HDAC7: variants seen among roughly 807,000 people sequenced by gnomAD.
HDAC7 encodes histone deacetylase 7A.
A neutral mutation model predicts 115.5 loss-of-function variants in HDAC7; 26 were observed. The ratio of observed to expected loss-of-function variants is 0.23; its 90% CI spans 0.16 to 0.31. The LOEUF (loss-of-function observed/expected upper bound fraction) is 0.31, where lower values mean the gene tolerates loss of function less well. Ranked by LOEUF, HDAC7 falls within the 10% of genes least tolerant of loss-of-function variation. HDAC7 has a pLI of 1.00. For synonymous variants in HDAC7, 564 were observed against 550.9 expected (o/e 1.02, Z -0.33); for missense variants, 1,068 against 1,329.0 (o/e 0.80, Z 3.05).
At chr12:47,785,569 T>A in intron 23 of HDAC7, 98 bp from the exon 24 acceptor site, 1 of 1,380,852 alleles carries the variant, frequency 7.2e-7, no homozygotes, top group Non-Finnish European at 1.0e-6. Context: ...ACAAGCACAC[T>A]CTACCTAGGC....
In HDAC7 at chr12:47,806,860, G is replaced by A. The variant is rs968904730; in HGVS notation, c.20-4586C>T. ...CCTCCTTCCTGGCATTAGCGTTTCA[G>A]TGTCTGCTCCCAACTCTCCTCCCTC... On this transcript the variant is annotated intron_variant, in intron 1 of 25. Coordinates refer to ENST00000080059, the MANE Select transcript of HDAC7 (RefSeq NM_015401.5). Among the ~76,000 whole-genome samples, 3 of 151,294 alleles carry A rather than the reference G, an allele frequency of 2.0e-5. No homozygotes were observed. The East Asian group carries it at 5.8e-4, about 29-fold the overall frequency.
intron 1 of HDAC7, among the ~76,000 whole-genome samples, chr12:47,816,670 G>A (rs768293193): frequency 1.3e-5 from 2 of 152,210 alleles, no homozygotes; most frequent in South Asian, 2.1e-4. Context: ...ATGCTCTGCT[G>A]ATGAAAACAT....
chr12:47,810,054 C>T (rs192577679), intron 1 of HDAC7, among the ~76,000 whole-genome samples: 92 of 152,292 alleles, frequency 6.0e-4, no homozygotes, highest in South Asian at 6.2e-4. Flanking sequence ...TCAAGTGATT[C>T]TCCTGCCTCA....
Position 47,797,636 on chromosome 12 carries a change from C to T in HDAC7, c.462-137G>A. On this transcript the variant is annotated intron_variant, in intron 5 of 25. Transcript: ENST00000080059. This position sits in a 1 kb window ranked among gnomAD's most constrained non-coding sequence, Gnocchi z 5.5. ...AATGTGGGGCTGGTAGGAATGGGGACCATCTCCAGGTGGCAGCAGTGGGCC... is the reference window on the plus strand; with the variant it reads ...AATGTGGGGCTGGTAGGAATGGGGATCATCTCCAGGTGGCAGCAGTGGGCC... 1 of 639,030 alleles carries T rather than the reference C, an allele frequency of 1.6e-6. No individual in the cohort carries two copies. The highest frequency in any genetic ancestry group is 2.7e-6 in the Non-Finnish European group (1 of 368,802). 39.6% of individuals were successfully genotyped at this position (639,030 alleles called of 1,614,324 possible).
intron 16 of HDAC7, 112 bp from the exon 17 acceptor site, chr12:47,790,032 A>C (rs1416890086): frequency 4.0e-6 from 3 of 758,302 alleles, no homozygotes; most frequent in South Asian, 2.9e-5. Flanking sequence ...GGAGCTGGGC[A>C]GACAGTGCTG....
chr12:47,789,696 A>C, intron 17 of HDAC7, 117 bp downstream of exon 17: 1 of 1,396,250 alleles, frequency 7.2e-7, no homozygotes, highest in Non-Finnish European at 1.0e-6. Context: ...TCCCCTCCAA[A>C]ACCCTGTAGC....
chr12:47,819,172 G>C, intron 1 of HDAC7: 1 of 152,590 alleles, frequency 6.6e-6, no homozygotes, highest in Non-Finnish European at 1.5e-5. Flanking sequence ...GGGGGGCAAT[G>C]CTCAGAGAAA....
intron 7 of HDAC7, 146 bp downstream of exon 7, chr12:47,796,871 C>G (rs1462478526): frequency 2.3e-6 from 2 of 858,328 alleles, no homozygotes; most frequent in Non-Finnish European, 3.3e-6. Context: ...CCAACTCCCC[C>G]GCTTCGGCAA....
chr12:47,793,334 C>CCAACCCA lies in HDAC7; in HGVS notation c.1678+34_1678+35insTGGGTTG. On this transcript the variant is annotated intron_variant, in intron 13 of 25. Coordinates refer to ENST00000080059, the MANE Select transcript of HDAC7 (RefSeq NM_015401.5). This position sits in a 1 kb window ranked among gnomAD's most constrained non-coding sequence, Gnocchi z 4.5. ...CCACATGGACTCGTGCAGCCGAGCCCCTCCCTCCACCCGCCACCCTCCTCC... is the reference window on the plus strand; with the variant it reads ...CCACATGGACTCGTGCAGCCGAGCCCCAACCCACTCCCTCCACCCGCCACCCTCCTCC... 1 of 1,312,490 alleles carries CCAACCCA rather than the reference C, an allele frequency of 7.6e-7. No individual in the cohort carries two copies. 81.3% of individuals were successfully genotyped at this position (1,312,490 alleles called of 1,614,324 possible).
rs563978070 is a variant in HDAC7, at chr12:47,787,267, C to T, written c.2453+445G>A. ...CCCCCCCAGCTGCCTTCCTCTACCC[C>T]TGATCCAACTCTGGGGCCTGCTTGG... On this transcript the variant is annotated intron_variant, in intron 21 of 25. Transcript: ENST00000080059. Among the ~76,000 whole-genome samples, 7 of 152,286 alleles carry T rather than the reference C, an allele frequency of 4.6e-5. No individual in the cohort carries two copies. The South Asian group carries it at 1.0e-3, about 23-fold the overall frequency.
At chr12:47,804,475 C>T (rs951805538) in intron 1 of HDAC7, among the ~76,000 whole-genome samples, 1 of 151,336 alleles carries the variant, frequency 6.6e-6, no homozygotes, top group African/African-American at 2.4e-5. Context: ...CCTCTTTTCC[C>T]ATCACTGCCT....
At position 47,798,027 on chromosome 12, in the gene HDAC7, A is replaced by AGT; in HGVS notation, c.461+79_461+80dup. On this transcript the variant is annotated intron_variant, in intron 5 of 25. Transcript: ENST00000080059. The surrounding 1 kb of genome is among the most constrained non-coding windows in gnomAD (Gnocchi z 4.3). ...GTGGCAACTGGGGAGGAAGGAGGCA[A>AGT]GTGTGTGTGCTCATGGCTAACACGG... The AGT allele has an allele frequency of 1.1e-6, 1 of 932,866 alleles. No homozygotes were observed. The highest frequency in any genetic ancestry group is 1.7e-6 in the Non-Finnish European group (1 of 585,844). 57.8% of individuals were successfully genotyped at this position (932,866 alleles called of 1,614,324 possible).
rs758086457 is a variant in HDAC7, at chr12:47,789,330, G to A, written c.2166C>T (p.Asn722=). 6 of 1,613,812 alleles carry A rather than the reference G, an allele frequency of 3.7e-6. No homozygotes were observed. The South Asian group carries it at 4.4e-5, about 12-fold the overall frequency. ...GCTGCCGGCAGGCGATGGCCACTGA[G>A]TTGAAGAAGCAGAAGCCCCTGGAAG... ...HSTAMGFCFF[N]SVAIACRQLQ... Residue 722 remains asparagine (N), a synonymous_variant, in exon 19 of 26, where the codon AAC becomes AAT. Coordinates refer to ENST00000080059, the MANE Select transcript of HDAC7 (RefSeq NM_015401.5).
At chr12:47,806,919 C>T (rs1470407085) in intron 1 of HDAC7, among the ~76,000 whole-genome samples, 1 of 151,728 alleles carries the variant, frequency 6.6e-6, no homozygotes, top group Non-Finnish European at 1.5e-5. Context: ...TGAATGCATG[C>T]CCCTGCCCCA....
In HDAC7 at chr12:47,795,788, G is replaced by C; in HGVS notation, c.907-21C>G. 1 of 1,519,148 alleles carries C rather than the reference G, an allele frequency of 6.6e-7. No homozygotes were observed. The highest frequency in any genetic ancestry group is 2.5e-5 in the East Asian group (1 of 40,598). The allele number at this position is 1,519,148 out of a possible 1,614,324, so 94.1% of individuals were successfully genotyped here. On this transcript the variant is annotated intron_variant, in intron 9 of 25. Transcript: ENST00000080059. The surrounding 1 kb of genome is among the most constrained non-coding windows in gnomAD (Gnocchi z 4.3). ...TCAGCCTGGGGGAGAGGCGGGAGAAGTCACGGGGAAGAAGATTCCAGCAGA... is the reference window on the plus strand; with the variant it reads ...TCAGCCTGGGGGAGAGGCGGGAGAACTCACGGGGAAGAAGATTCCAGCAGA...
chr12:47,796,395 T>C, intron 7 of HDAC7, 97 bp from the exon 8 acceptor site: 1 of 732,646 alleles, frequency 1.4e-6, no homozygotes, highest in Non-Finnish European at 2.3e-6. Context: ...GAGCACCCCC[T>C]TCCTTAACGA....
At chr12:47,801,767 G>C (rs777593462) in intron 2 of HDAC7, among the ~76,000 whole-genome samples, 6 of 152,164 alleles carry the variant, frequency 3.9e-5, no homozygotes, top group South Asian at 2.1e-4. Flanking sequence ...GAGGAGGCTC[G>C]GGCCAGCAGA....
In HDAC7 at chr12:47,797,379, C is replaced by T. The variant is rs1323578196; in HGVS notation, c.577+5G>A. On this transcript the variant is annotated splice_donor_5th_base_variant and intron_variant, in intron 6 of 25. Transcript: ENST00000080059. The surrounding 1 kb of genome is among the most constrained non-coding windows in gnomAD (Gnocchi z 5.5). Reference sequence around the variant, plus strand: ...CTGAAAGGTCCGCCTGTTTGTTCAGCTCACCTGTCTTGCGCAGAGGGAAGT... The same window carrying T: ...CTGAAAGGTCCGCCTGTTTGTTCAGTTCACCTGTCTTGCGCAGAGGGAAGT... The T allele has an allele frequency of 2.5e-6, 4 of 1,613,158 alleles. No individual in the cohort carries two copies. The African/African-American group carries it at 4.0e-5, about 16-fold the overall frequency.
intron 24 of HDAC7, 24 bp downstream of exon 24, chr12:47,785,363 C>A (rs752886827): frequency 1.3e-6 from 2 of 1,578,722 alleles, no homozygotes; most frequent in East Asian, 2.3e-5. Context: ...CTGAGCTCAG[C>A]GAGTGTCCCA....
Sources: gnomAD v4.1 joint callset for allele counts (sites outside exome capture counted in the v4.1 genomes callset) on GRCh38, gnomAD v4.1.1 for gene constraint, Gnocchi (gnomAD v3.1) non-coding constraint, MANE v1.5 for transcripts, NCBI Gene and HGNC (gene_info 2026-07-23, HGNC 2026-07-21) for gene names.